The following NDUFV3 variants were observed in gnomAD, a reference collection of about 807,000 sequenced individuals.
NDUFV3 encodes NADH dehydrogenase [ubiquinone] flavoprotein 3, mitochondrial.
In NDUFV3, 44 loss-of-function variants were observed where a neutral mutation model predicts 37.5. The observed-to-expected ratio is 1.17, with a 90% CI of 0.92 to 1.51. The LOEUF (loss-of-function observed/expected upper bound fraction) is 1.51, where lower values mean the gene tolerates loss of function less well. NDUFV3 is among the 40% of genes most tolerant of loss of function. The probability of loss-of-function intolerance (pLI) is 0.00; values close to 1 mark genes in which losing one functional copy is unlikely to be tolerated. For missense variants in NDUFV3, 580 were observed against 580.4 expected, an observed-to-expected ratio of 1.00 and a Z score of 0.01; for synonymous variants, 235 against 239.3, an observed-to-expected ratio of 0.98 and a Z score of 0.17.
Position 42,900,236 on chromosome 21 carries a change from T to C in NDUFV3, c.170-2946T>C, listed in dbSNP as rs562100778. 7.9e-5 allele frequency among the ~76,000 whole-genome samples: 12 copies of C among 152,210 alleles called. No homozygotes were observed. The South Asian group carries it at 2.5e-3, about 32-fold the overall frequency. On this transcript the variant is annotated intron_variant, in intron 2 of 3. Coordinates refer to ENST00000354250, the MANE Select transcript of NDUFV3 (RefSeq NM_021075.4). The stretch of plus-strand genomic sequence containing the variant: ...AAATACTGAGTCTGGGTATGGTGGC[T>C]CACACCTGTAATCCCAGCACTTTTG...
chr21:42,894,420 AT>A (rs2058677252), intron 1 of NDUFV3, among the ~76,000 whole-genome samples: 1 of 49,364 alleles, frequency 2.0e-5, no homozygotes, highest in Non-Finnish European at 3.2e-5. Context: ...TATATAATAT[AT>A]TATATAAATA....
rs2058778073 is a variant in NDUFV3 at position 42,913,209 on chromosome 21, A to G, written c.*4188A>G. ...TAGAACGGATCTGAAGCAATAGGAT[A>G]TAAAAAATTCACAACTGCTAAAACA... On this transcript the variant is annotated 3_prime_UTR_variant, in exon 4 of 4. Coordinates refer to ENST00000354250, the MANE Select transcript of NDUFV3 (RefSeq NM_021075.4). 6.6e-6 allele frequency: 1 copy of G among 152,164 alleles called. No homozygotes were observed. Among genetic ancestry groups the G allele is most frequent in the African/African-American group, 2.4e-5 (1 of 41,380 alleles). 9.4% of individuals were successfully genotyped at this position (152,164 alleles called of 1,614,324 possible).
intron 3 of NDUFV3, among the ~76,000 whole-genome samples, chr21:42,908,042 C>T (rs2058749612): frequency 6.6e-6 from 1 of 151,878 alleles, no homozygotes. Flanking sequence ...CATGGTGGCT[C>T]ACGCCTGTAA....
intron 3 of NDUFV3, among the ~76,000 whole-genome samples, chr21:42,905,866 T>A (rs1244694242): frequency 1.9e-5 from 1 of 53,124 alleles, no homozygotes; most frequent in Non-Finnish European, 5.3e-5. Flanking sequence ...TGTTACCATT[T>A]TTTTTTTTTT....
intron 2 of NDUFV3, among the ~76,000 whole-genome samples, chr21:42,897,271 T>C (rs2839601): frequency 0.22 from 34,081 of 152,148 alleles, 4,906 homozygotes; most frequent in African/African-American, 0.42. Context: ...AAATGGTTTT[T>C]CCTGTATTTT....
intron 2 of NDUFV3, 127 bp from the exon 3 acceptor site, chr21:42,903,055 A>G: frequency 7.7e-7 from 1 of 1,302,940 alleles, no homozygotes; most frequent in Non-Finnish European, 1.1e-6. Flanking sequence ...TTTCTATGGG[A>G]CCTGTCTTAG....
intron 1 of NDUFV3, among the ~76,000 whole-genome samples, chr21:42,895,326 C>T (rs796469028): frequency 6.6e-6 from 1 of 152,162 alleles, no homozygotes; most frequent in African/African-American, 2.4e-5. Flanking sequence ...CTACTAAATA[C>T]AAAAACTTGG....
intron 1 of NDUFV3, 128 bp downstream of exon 1, chr21:42,893,509 ACCCCGCTCCCTGGG>A: frequency 9.1e-7 from 1 of 1,095,216 alleles, no homozygotes; most frequent in Non-Finnish European, 1.3e-6. Flanking sequence ...TGGGCCGCTG[ACCCCGCTCCCTGGG>A]CCCAGGACTG....
intron 2 of NDUFV3, among the ~76,000 whole-genome samples, chr21:42,899,520 C>T (rs1365473346): frequency 6.6e-6 from 1 of 152,138 alleles, no homozygotes; most frequent in Non-Finnish European, 1.5e-5. Context: ...TCTCGGCTCA[C>T]TGCAACCTCC....
At chr21:42,899,678 C>T (rs1157349638) in intron 2 of NDUFV3, among the ~76,000 whole-genome samples, 2 of 152,132 alleles carry the variant, frequency 1.3e-5, no homozygotes, top group African/African-American at 2.4e-5. Context: ...CTCTTGACCT[C>T]GTGATCCGTC....
chr21:42,899,754 T>G lies in NDUFV3; in HGVS notation c.169+2707T>G, dbSNP rs183693440. Among the ~76,000 whole-genome samples the G allele has an allele frequency of 7.9e-5, 12 of 152,196 alleles. No individual in the cohort carries two copies. In the East Asian group the frequency reaches 2.1e-3, roughly 27 times the overall value. On this transcript the variant is annotated intron_variant, in intron 2 of 3. Coordinates refer to ENST00000354250, the MANE Select transcript of NDUFV3 (RefSeq NM_021075.4). ...CACTGCACCCAGCCAATTTTTTGTATTTTTTAGTAGAGACAGGGTTTCTGC... is the reference window on the plus strand; with the variant it reads ...CACTGCACCCAGCCAATTTTTTGTAGTTTTTAGTAGAGACAGGGTTTCTGC...
Position 42,911,505 on chromosome 21 carries a change from G to A in NDUFV3, c.*2484G>A, listed in dbSNP as rs79511125. 8,197 of 121,728 alleles carry A rather than the reference G, an allele frequency of 0.067. 342 individuals carry two copies. The highest frequency in any genetic ancestry group is 0.18 in the Middle Eastern group (21 of 118). 7.5% of individuals were successfully genotyped at this position (121,728 alleles called of 1,614,324 possible). ...TCACTCTTGCCCGGAGGAGTGGTGCGATCTCAGCTCACTGCAGCCTCGTCC... is the reference window on the plus strand; with the variant it reads ...TCACTCTTGCCCGGAGGAGTGGTGCAATCTCAGCTCACTGCAGCCTCGTCC... On this transcript the variant is annotated 3_prime_UTR_variant, in exon 4 of 4. Coordinates refer to ENST00000354250, the MANE Select transcript of NDUFV3 (RefSeq NM_021075.4).
In NDUFV3 at chr21:42,893,312, T is replaced by C. The variant is rs769302810; in HGVS notation, c.-22T>C. On this transcript the variant is annotated 5_prime_UTR_variant, in exon 1 of 4. Transcript: ENST00000354250. ...CGCGCGCAGCTGCTGTGGCCCTGCT[T>C]GGTGCGCCCGCTGTCACCGCCATGG... 1 of 1,537,186 alleles carries C rather than the reference T, an allele frequency of 6.5e-7. No homozygotes were observed. The highest frequency in any genetic ancestry group is 8.7e-7 in the Non-Finnish European group (1 of 1,146,242).
intron 3 of NDUFV3, among the ~76,000 whole-genome samples, chr21:42,906,186 G>A (rs900753173): frequency 9.2e-5 from 14 of 152,128 alleles, no homozygotes; most frequent in Non-Finnish European, 1.3e-4. Context: ...TCTTGAGCAC[G>A]AAACTTGATA....
chr21:42,893,664 C>T (rs2058668304), intron 1 of NDUFV3, among the ~76,000 whole-genome samples: 1 of 152,218 alleles, frequency 6.6e-6, no homozygotes, highest in Non-Finnish European at 1.5e-5. Context: ...CTCCCGAGGG[C>T]TGCATGCCTG....
chr21:42,898,325 C>G (rs951067840), intron 2 of NDUFV3, among the ~76,000 whole-genome samples: 3 of 152,150 alleles, frequency 2.0e-5, no homozygotes, highest in African/African-American at 7.2e-5. Flanking sequence ...CTCTCTCTCC[C>G]AGGCTGGAGT....
chr21:42,900,431 A>C (rs930270309), intron 2 of NDUFV3, among the ~76,000 whole-genome samples: 5 of 152,228 alleles, frequency 3.3e-5, no homozygotes, highest in Non-Finnish European at 4.4e-5. Context: ...TGGACCCAGG[A>C]GGCAGAGGTT....
chr21:42,906,653 T>C lies in NDUFV3; in HGVS notation c.1265-2211T>C, dbSNP rs184448711. Among the ~76,000 whole-genome samples the C allele has an allele frequency of 8.5e-5, 13 of 152,378 alleles. No individual in the cohort carries two copies. In the East Asian group the frequency reaches 2.5e-3, roughly 29 times the overall value. The stretch of plus-strand genomic sequence containing the variant: ...CGGGTGTGTTGTTTCTTAACTATCT[T>C]CTGTGCGCATGCGCAGAGCCCACCT... On this transcript the variant is annotated intron_variant, in intron 3 of 3. Coordinates refer to ENST00000354250, the MANE Select transcript of NDUFV3 (RefSeq NM_021075.4).
rs2058756580 is a variant in NDUFV3 at position 42,909,115 on chromosome 21, C to T, written c.*94C>T. 5.0e-6 allele frequency: 6 copies of T among 1,208,030 alleles called. No individual in the cohort carries two copies. The South Asian group carries it at 7.4e-5, about 15-fold the overall frequency. The allele number at this position is 1,208,030 out of a possible 1,614,324, so 74.8% of individuals were successfully genotyped here. A position where few individuals can be genotyped will look rare whatever the true frequency, so the allele number is the denominator to read the frequency against. On this transcript the variant is annotated 3_prime_UTR_variant, in exon 4 of 4. Coordinates refer to ENST00000354250, the MANE Select transcript of NDUFV3 (RefSeq NM_021075.4). The stretch of plus-strand genomic sequence containing the variant: ...CTCAAGAGTCACAAGGCCCGCTGTG[C>T]ATAATCGGTTTCACTTTTACCTTTT...
Sources: allele counts gnomAD v4.1 joint callset (sites outside exome capture counted in the v4.1 genomes callset), GRCh38; gene constraint gnomAD v4.1.1; transcripts MANE v1.5; gene names NCBI Gene and HGNC (gene_info 2026-07-23, HGNC 2026-07-21).